Variants in CNTLN observed in about 807,000 individuals in gnomAD.
The protein encoded by CNTLN is centlein, centrosomal protein.
In CNTLN, 212 loss-of-function variants were observed where a neutral mutation model predicts 180.0. The observed-to-expected ratio is 1.18, with a 90% confidence interval of 1.05 to 1.32. The LOEUF is 1.32. Ranked by LOEUF, CNTLN falls within the 40% of genes most tolerant of loss-of-function variation. CNTLN has a pLI of 0.00. For missense variants in CNTLN, 2,095 were observed against 1,610.9 expected, an observed-to-expected ratio of 1.30 and a Z score of -5.14; for synonymous variants, 722 against 563.1, an observed-to-expected ratio of 1.28 and a Z score of -3.99.
chr9:17,300,271 G>A (rs1818254357), intron 7 of CNTLN: 1 of 152,114 alleles, frequency 6.6e-6, no homozygotes, highest in Non-Finnish European at 1.5e-5. Context: ...GGATTTTGGA[G>A]CATTTCAGAT....
intron 3 of CNTLN, among the ~76,000 whole-genome samples, chr9:17,227,481 T>G (rs1824545722): frequency 6.6e-6 from 1 of 152,024 alleles, no homozygotes; most frequent in Non-Finnish European, 1.5e-5. Context: ...ATATAATATT[T>G]AAATTCATTT....
rs560964280 is a variant in CNTLN, at chr9:17,238,374, A to G, written c.849+1786A>G. On this transcript the variant is annotated intron_variant, in intron 5 of 25. Transcript: ENST00000380647. ...TGTGATGGTCCACATCATTTACTCAATACCCACGGAAGCAGCAAGATTGTT... is the reference window on the plus strand; with the variant it reads ...TGTGATGGTCCACATCATTTACTCAGTACCCACGGAAGCAGCAAGATTGTT... Among the ~76,000 whole-genome samples the G allele has an allele frequency of 8.5e-5, 13 of 152,274 alleles. No homozygotes were observed. In the South Asian group the frequency reaches 2.7e-3, roughly 32 times the overall value.
intron 18 of CNTLN, among the ~76,000 whole-genome samples, chr9:17,437,686 C>A (rs2134019327): frequency 6.6e-6 from 1 of 152,284 alleles, no homozygotes; most frequent in African/African-American, 2.4e-5. Context: ...ATGTACCTAA[C>A]ACATGTAAAG....
Position 17,135,282 on chromosome 9 carries a change from G to T in CNTLN, c.217G>T (p.Ala73Ser). 6.2e-7 allele frequency: 1 copy of T among 1,601,092 alleles called. No homozygotes were observed. Among genetic ancestry groups the T allele is most frequent in the African/African-American group, 1.3e-5 (1 of 74,996 alleles). ...SGGRRGPGGA[A>S]PAHAPLLSAP... ...GGGCCGGCGAGGGCCTGGGGGGGCA[G>T]CTCCGGCTCATGCTCCCCTCCTCAG... is the stretch of plus-strand genomic sequence containing the variant. The change falls in exon 1 of 26, where the codon GCT becomes TCT. Residue 73 changes from alanine (A) to serine (S), a missense_variant. Transcript: ENST00000380647.
chr9:17,144,228 AT>A (rs1308926013), intron 2 of CNTLN, among the ~76,000 whole-genome samples: 1 of 152,184 alleles, frequency 6.6e-6, no homozygotes, highest in Non-Finnish European at 1.5e-5. Context: ...AGTATGTCTA[AT>A]TTTACCATCT....
chr9:17,508,026 G>A (rs997791697), downstream of CNTLN, among the ~76,000 whole-genome samples: 3 of 152,132 alleles, frequency 2.0e-5, no homozygotes, highest in African/African-American at 7.2e-5. Flanking sequence ...ACCCTAGCGT[G>A]AAGGCCTCAG....
At chr9:17,367,799 C>T (rs1244522416) in intron 13 of CNTLN, among the ~76,000 whole-genome samples, 2 of 152,078 alleles carry the variant, frequency 1.3e-5, no homozygotes, top group Non-Finnish European at 2.9e-5. Flanking sequence ...CAGGATCTAT[C>T]ACCTACTGAC....
chr9:17,283,165 A>G (rs989454343), intron 6 of CNTLN, among the ~76,000 whole-genome samples: 3 of 152,178 alleles, frequency 2.0e-5, no homozygotes, highest in African/African-American at 7.2e-5. Context: ...TTGAATCTAT[A>G]AATTACTTTG....
intron 2 of CNTLN, among the ~76,000 whole-genome samples, chr9:17,169,080 C>G (rs767221413): frequency 5.3e-5 from 8 of 152,156 alleles, no homozygotes; most frequent in Non-Finnish European, 7.3e-5. Context: ...TCACTGCAGC[C>G]TCGAATCTCT....
At chr9:17,318,770 C>G (rs1563990065) in intron 8 of CNTLN, among the ~76,000 whole-genome samples, 1 of 152,104 alleles carries the variant, frequency 6.6e-6, no homozygotes, top group East Asian at 1.9e-4. Context: ...GTAACATATA[C>G]TTTATCATGT....
At chr9:17,339,595 T>C (rs1277741541) in intron 10 of CNTLN, among the ~76,000 whole-genome samples, 2 of 152,218 alleles carry the variant, frequency 1.3e-5, no homozygotes, top group African/African-American at 4.8e-5. Flanking sequence ...TGCCTACTCA[T>C]ATCACCTCAC....
chr9:17,406,978 T>C (rs1827441972), intron 15 of CNTLN, among the ~76,000 whole-genome samples: 1 of 148,462 alleles, frequency 6.7e-6, no homozygotes, highest in African/African-American at 2.6e-5. Flanking sequence ...CCATTACATA[T>C]TGAATTTCTG....
intron 18 of CNTLN, among the ~76,000 whole-genome samples, chr9:17,417,589 A>T (rs1368999370): frequency 6.6e-6 from 1 of 152,070 alleles, no homozygotes; most frequent in African/African-American, 2.4e-5. Flanking sequence ...TGTCAGAGGA[A>T]AATTATAAAA....
At chr9:17,434,692 G>A (rs1376369489) in intron 18 of CNTLN, among the ~76,000 whole-genome samples, 1 of 152,088 alleles carries the variant, frequency 6.6e-6, no homozygotes, top group Admixed American at 6.5e-5. Flanking sequence ...TTCAGCTGCT[G>A]TTGAATAGAG....
intron 5 of CNTLN, among the ~76,000 whole-genome samples, chr9:17,266,598 A>T (rs911799631): frequency 1.3e-5 from 2 of 151,608 alleles, no homozygotes; most frequent in Non-Finnish European, 2.9e-5. Context: ...ATCCTTGTTA[A>T]CTTTCTGTCT....
intron 7 of CNTLN, chr9:17,301,215 T>C (rs867953067): frequency 9.1e-6 from 9 of 985,420 alleles, no homozygotes; most frequent in African/African-American, 7.0e-5. Context: ...CTTTACTAAA[T>C]TGGGAGAAGT....
chr9:17,163,473 T>G (rs1193521624), intron 2 of CNTLN, among the ~76,000 whole-genome samples: 1 of 152,232 alleles, frequency 6.6e-6, no homozygotes, highest in African/African-American at 2.4e-5. Context: ...TTCTGCTTAT[T>G]CAGTAATCTC....
intron 2 of CNTLN, among the ~76,000 whole-genome samples, chr9:17,165,298 T>C (rs1819990900): frequency 6.6e-6 from 1 of 152,212 alleles, no homozygotes; most frequent in South Asian, 2.1e-4. Flanking sequence ...CATAAGTATT[T>C]ATCTTTACCT....
chr9:17,325,026 T>A (rs568355636), intron 8 of CNTLN, among the ~76,000 whole-genome samples: 1 of 151,874 alleles, frequency 6.6e-6, no homozygotes, highest in East Asian at 1.9e-4. Context: ...GAGTGCTAGA[T>A]GAATTTGTTG....
Sources: allele counts gnomAD v4.1 joint callset (sites outside exome capture counted in the v4.1 genomes callset), GRCh38; gene constraint gnomAD v4.1.1; transcripts MANE v1.5; gene names NCBI Gene and HGNC (gene_info 2026-07-23, HGNC 2026-07-21).